Variants in MEIS3 observed in about 807,000 individuals in gnomAD.
MEIS3 encodes the protein Meis homeobox 3.
MEIS3 carries 38 observed loss-of-function variants against 51.4 expected under a neutral mutation model. The observed-to-expected ratio is 0.74, with a 90% CI of 0.57 to 0.97. MEIS3 has a LOEUF of 0.97. Ranked by LOEUF, MEIS3 falls within the 50% of genes least tolerant of loss-of-function variation. The pLI, the probability that MEIS3 is intolerant of heterozygous loss-of-function variation, is 0.00. For synonymous variants in MEIS3, 198 were observed against 201.8 expected, an observed-to-expected ratio of 0.98 and a Z score of 0.16; for missense variants, 456 against 502.6, an observed-to-expected ratio of 0.91 and a Z score of 0.89.
At chr19:47,405,857 C>T (rs1235281602) in intron 12 of MEIS3, 3 of 151,984 alleles carry the variant, frequency 2.0e-5, no homozygotes, top group African/African-American at 7.3e-5. Context: ...GCCAAGGGCT[C>T]AGTTTATGTT....
chr19:47,417,407 A>G (rs1238174840), intron 1 of MEIS3, 57 bp from the exon 2 acceptor site: 2 of 1,598,330 alleles, frequency 1.3e-6, no homozygotes, highest in African/African-American at 1.3e-5. Context: ...GCACCCCGAG[A>G]CTCGGCTGAG....
chr19:47,417,618 T>TGGGA (rs1971514140), intron 1 of MEIS3: 1 of 702,640 alleles, frequency 1.4e-6, no homozygotes, highest in Admixed American at 2.0e-5. Flanking sequence ...AGGGTCTGGC[T>TGGGA]GGGAGGGAAA....
upstream of MEIS3, among the ~76,000 whole-genome samples, chr19:47,422,059 C>T (rs548373538): frequency 1.2e-4 from 18 of 152,064 alleles, no homozygotes; most frequent in African/African-American, 4.1e-4. Flanking sequence ...GCGCCCACCC[C>T]TGCGCCCGCC....
In MEIS3 at chr19:47,414,840, A is replaced by C; in HGVS notation, c.474T>G (p.Cys158Trp). ...EKVHDLCDNF[C>W]HRYITCLKGK... ...CCTTGAGGCAGGTGATGTAGCGGTG[A>C]CAGAAGTTGTCGCACAGGTCGTGGA... is the stretch of plus-strand genomic sequence containing the variant. Residue 158 changes from cysteine (C) to tryptophan (W), a missense_variant, in exon 6 of 13, where the codon TGT (cysteine) becomes TGG (tryptophan). By Grantham distance (215) the Cys-to-Trp change is radical. Coordinates refer to ENST00000558555, the MANE Select transcript of MEIS3 (RefSeq NM_001301059.2). The C allele has an allele frequency of 2.5e-6, 4 of 1,589,428 alleles. No homozygotes were observed. The highest frequency in any genetic ancestry group is 3.4e-6 in the Non-Finnish European group (4 of 1,166,112).
chr19:47,420,062 G>A (rs563050160), upstream of MEIS3, among the ~76,000 whole-genome samples: 3 of 152,320 alleles, frequency 2.0e-5, no homozygotes, highest in African/African-American at 7.2e-5. Context: ...CTGAGTCTGG[G>A]GGTCCCCATG....
chr19:47,409,589 C>A, intron 6 of MEIS3, 42 bp from the exon 7 acceptor site: 1 of 1,458,754 alleles, frequency 6.9e-7, no homozygotes, highest in South Asian at 1.1e-5. Flanking sequence ...GGCGGCCGGG[C>A]GCAGTGGCTC....
chr19:47,420,541 GAC>G (rs1338050784), upstream of MEIS3, among the ~76,000 whole-genome samples: 1 of 143,778 alleles, frequency 7.0e-6, no homozygotes, highest in Non-Finnish European at 1.5e-5. Flanking sequence ...GAGAGACAGA[GAC>G]AGACGCGGGT....
At chr19:47,407,729 G>A (rs1970919488) in intron 8 of MEIS3, 2 of 517,612 alleles carry the variant, frequency 3.9e-6, no homozygotes, top group Admixed American at 7.5e-5. Context: ...GGGCTTCACT[G>A]GCGTCGGGGA....
intron 6 of MEIS3, among the ~76,000 whole-genome samples, chr19:47,411,378 AAT>A (rs1395325404): frequency 5.6e-5 from 5 of 89,430 alleles, no homozygotes; most frequent in Admixed American, 1.2e-4. Context: ...AAGTGGAATA[AAT>A]AAAGGCTATA....
At chr19:47,406,329 A>G in intron 12 of MEIS3, 131 bp downstream of exon 12, 1 of 635,574 alleles carries the variant, frequency 1.6e-6, no homozygotes, top group Admixed American at 2.7e-5. Context: ...ATATCTTCCC[A>G]TCAAGCCTCA....
intron 4 of MEIS3, chr19:47,415,915 G>C (rs1971389728): frequency 6.6e-6 from 1 of 151,824 alleles, no homozygotes; most frequent in African/African-American, 2.4e-5. Context: ...CTCTCTATGA[G>C]AGACAGGGTC....
chr19:47,421,415 T>C (rs1438384253), upstream of MEIS3, among the ~76,000 whole-genome samples: 1 of 152,120 alleles, frequency 6.6e-6, no homozygotes, highest in African/African-American at 2.4e-5. Context: ...GGATCCGCAG[T>C]GGTCCCCAGG....
In MEIS3 at chr19:47,410,167, C is replaced by T. The variant is rs144085146; in HGVS notation, c.598-620G>A. 4.8e-3 allele frequency among the ~76,000 whole-genome samples: 722 copies of T among 150,942 alleles called. 7 individuals carry two copies. Among genetic ancestry groups the T allele is most frequent in the African/African-American group, 0.016 (676 of 41,162 alleles). ...ACTAAAAATACAAAAACCAGGCTGG[C>T]TTGGGCACAGTGGCTCACACCTATA... is the stretch of plus-strand genomic sequence containing the variant. On this transcript the variant is annotated intron_variant, in intron 6 of 12. Transcript: ENST00000558555.
intron 8 of MEIS3, 118 bp downstream of exon 8, chr19:47,408,981 C>A (rs79375233): frequency 8.0e-5 from 99 of 1,236,666 alleles, no homozygotes; most frequent in Non-Finnish European, 8.4e-5. Flanking sequence ...ATGAGAGTCT[C>A]GAAAAATTTC....
At chr19:47,412,572 G>T (rs1411075886) in intron 6 of MEIS3, among the ~76,000 whole-genome samples, 1 of 151,128 alleles carries the variant, frequency 6.6e-6, no homozygotes, top group African/African-American at 2.4e-5. Flanking sequence ...TTGTTTGTTT[G>T]TTTTTTTGAG....
In MEIS3 at chr19:47,414,711, G is replaced by A. The variant is rs1490810611; in HGVS notation, c.597+6C>T. ...GGACGATGCCTGGTGCCCGTCCCGG[G>A]CCCACCTGGTCTGGGAGGCTGGGGC... On this transcript the variant is annotated splice_donor_region_variant and intron_variant, in intron 6 of 12. Transcript: ENST00000558555. 1 of 1,588,646 alleles carries A rather than the reference G, an allele frequency of 6.3e-7. No individual in the cohort carries two copies. The highest frequency in any genetic ancestry group is 1.3e-5 in the African/African-American group (1 of 74,464).
intron 1 of MEIS3, 180 bp downstream of exon 1, chr19:47,418,890 T>TG: frequency 3.2e-6 from 1 of 311,874 alleles, no homozygotes; most frequent in Non-Finnish European, 5.2e-6. Flanking sequence ...AAGAGACACT[T>TG]GGGGGCAGAG....
upstream of MEIS3, among the ~76,000 whole-genome samples, chr19:47,420,940 A>ACACACACACACACACTCTCT (rs1187725467): frequency 3.3e-5 from 3 of 90,968 alleles, no homozygotes; most frequent in Non-Finnish European, 4.2e-5. Context: ...ACACACACAC[A>ACACACACACACACACTCTCT]CTCTCTCTCT....
intron 8 of MEIS3, chr19:47,407,674 TAG>T (rs1970915161): frequency 4.3e-6 from 4 of 929,840 alleles, no homozygotes; most frequent in Non-Finnish European, 6.0e-6. Context: ...CAGCTCTGAT[TAG>T]AGAGACTGTG....
Sources: gnomAD v4.1 joint callset for allele counts (sites outside exome capture counted in the v4.1 genomes callset) on GRCh38, gnomAD v4.1.1 for gene constraint, MANE v1.5 for transcripts, NCBI Gene and HGNC (gene_info 2026-07-23, HGNC 2026-07-21) for gene names.